The following PDE4D variants were observed in gnomAD, a reference collection of about 807,000 sequenced individuals.
PDE4D encodes the protein 3',5'-cyclic-AMP phosphodiesterase 4D.
Under a neutral mutation model 87.4 loss-of-function variants are expected in PDE4D, and 24 were observed. That is an observed-to-expected ratio of 0.27 (90% CI 0.20 to 0.39). The LOEUF (loss-of-function observed/expected upper bound fraction) is 0.39. Among genes scored for constraint, PDE4D ranks in the 10% least tolerant of loss-of-function variants. The pLI is 1.00. For synonymous variants in PDE4D, 384 were observed against 383.2 expected, an observed-to-expected ratio of 1.00 and a Z score of -0.02; for missense variants, 714 against 1,041.0, an observed-to-expected ratio of 0.69 and a Z score of 4.32.
chr5:59,879,717 C>A (rs1749152959), intron 1 of PDE4D, among the ~76,000 whole-genome samples: 1 of 152,178 alleles, frequency 6.6e-6, no homozygotes, highest in Non-Finnish European at 1.5e-5. Flanking sequence ...AGGGCCAACA[C>A]TGCTATATGT....
At chr5:59,635,848 C>T (rs2150167900) in intron 1 of PDE4D, among the ~76,000 whole-genome samples, 1 of 152,316 alleles carries the variant, frequency 6.6e-6, no homozygotes, top group Middle Eastern at 3.4e-3. Context: ...CCTCTTTCAC[C>T]ACTCCTGTTC....
intron 2 of PDE4D, among the ~76,000 whole-genome samples, chr5:60,048,438 T>C (rs907425275): frequency 1.3e-5 from 2 of 152,204 alleles, no homozygotes; most frequent in Admixed American, 6.5e-5. Flanking sequence ...TGCTCGTTAA[T>C]CGATGCAGTT....
intron 5 of PDE4D, chr5:59,039,308 C>G: frequency 9.5e-7 from 1 of 1,053,352 alleles, no homozygotes; most frequent in Non-Finnish European, 1.1e-6. Flanking sequence ...GGCCCGAGTC[C>G]CAGTCCAGGA....
chr5:59,692,759 C>T (rs572444819), intron 1 of PDE4D, among the ~76,000 whole-genome samples: 3 of 152,222 alleles, frequency 2.0e-5, no homozygotes, highest in East Asian at 3.9e-4. Flanking sequence ...AAGGTTCTGG[C>T]ATCATGGAAA....
chr5:60,470,990 TA>T (rs1747774126), intron 1 of PDE4D, among the ~76,000 whole-genome samples: 1 of 152,174 alleles, frequency 6.6e-6, no homozygotes, highest in South Asian at 2.1e-4. Flanking sequence ...GTAGCTGCCA[TA>T]AACAGTGATT....
chr5:60,003,690 C>T (rs1238198247), intron 2 of PDE4D, among the ~76,000 whole-genome samples: 1 of 128,584 alleles, frequency 7.8e-6, no homozygotes, highest in African/African-American at 3.0e-5. Flanking sequence ...GCCTGGGCAA[C>T]AGAGCGAGAC....
intron 3 of PDE4D, among the ~76,000 whole-genome samples, chr5:59,981,179 G>C (rs1217569173): frequency 6.6e-6 from 1 of 152,090 alleles, no homozygotes; most frequent in African/African-American, 2.4e-5. Context: ...TTGAACCTGG[G>C]GGGCGGAGGT....
intron 2 of PDE4D, among the ~76,000 whole-genome samples, chr5:60,073,329 T>G (rs1772932397): frequency 6.6e-6 from 1 of 152,168 alleles, no homozygotes; most frequent in Admixed American, 6.5e-5. Flanking sequence ...TTTGTGTATG[T>G]TGAACCAACC....
At chr5:59,287,734 G>GACAGAC (rs1554121976) in intron 1 of PDE4D, among the ~76,000 whole-genome samples, 2 of 151,274 alleles carry the variant, frequency 1.3e-5, no homozygotes, top group East Asian at 2.0e-4. Context: ...GAGAGAGAGA[G>GACAGAC]AGACAGACAG....
chr5:60,094,588 CTTTTTT>C (rs3087200), intron 2 of PDE4D, among the ~76,000 whole-genome samples: 10 of 58,180 alleles, frequency 1.7e-4, no homozygotes, highest in South Asian at 8.8e-4. Flanking sequence ...GAGTGACATG[CTTTTTT>C]TTTTTTTTTT....
intron 1 of PDE4D, among the ~76,000 whole-genome samples, chr5:59,705,521 G>T (rs1180181248): frequency 1.3e-5 from 2 of 152,110 alleles, no homozygotes; most frequent in African/African-American, 4.8e-5. Context: ...TTTGAAAAGA[G>T]AAACCATGAC....
chr5:60,307,973 T>C lies in PDE4D; in HGVS notation c.-89-122286A>G, dbSNP rs1754654390. On this transcript the variant is annotated intron_variant, in intron 1 of 16. Coordinates refer to the PDE4D transcript ENST00000502484. ...GGAGAATCACTTGAATCCAGGAGGC[T>C]ATGGTTGCAGTGAGCCGAGATAGCA... Among the ~76,000 whole-genome samples, 5 of 152,196 alleles carry C rather than the reference T, an allele frequency of 3.3e-5. No individual in the cohort carries two copies. In the South Asian group the frequency reaches 1.0e-3, roughly 32 times the overall value.
At chr5:60,151,956 G>T in intron 2 of PDE4D, among the ~76,000 whole-genome samples, 1 of 152,050 alleles carries the variant, frequency 6.6e-6, no homozygotes. Flanking sequence ...GTCATGAAAA[G>T]GTGTTGAATT....
chr5:59,744,756 G>T (rs1463931043), intron 1 of PDE4D, among the ~76,000 whole-genome samples: 2 of 152,096 alleles, frequency 1.3e-5, no homozygotes, highest in African/African-American at 4.8e-5. Context: ...GAAAATGAAG[G>T]GTGAGTAGCA....
intron 1 of PDE4D, among the ~76,000 whole-genome samples, chr5:59,691,086 G>T (rs540137481): frequency 3.3e-5 from 5 of 152,200 alleles, no homozygotes; most frequent in Non-Finnish European, 7.3e-5. Context: ...TGCTAGAGAG[G>T]ATGTGGAGAA....
intron 1 of PDE4D, among the ~76,000 whole-genome samples, chr5:59,829,784 T>C (rs918188618): frequency 4.6e-5 from 7 of 152,066 alleles, no homozygotes; most frequent in African/African-American, 1.7e-4. Flanking sequence ...AGGTTTTTAT[T>C]TGTTATTTGC....
chr5:60,513,994 A>G (rs1750686924), intron 1 of PDE4D, among the ~76,000 whole-genome samples: 1 of 151,558 alleles, frequency 6.6e-6, no homozygotes, highest in Admixed American at 6.6e-5. Context: ...ATAAGAATAG[A>G]AATCAATGAA....
chr5:60,251,283 TG>T (rs1333268352), intron 1 of PDE4D, among the ~76,000 whole-genome samples: 1 of 151,580 alleles, frequency 6.6e-6, no homozygotes, highest in Non-Finnish European at 1.5e-5. Flanking sequence ...CATGGGGGTT[TG>T]GTGTACAGAT....
At chr5:59,834,580 G>T (rs1741718279) in intron 1 of PDE4D, among the ~76,000 whole-genome samples, 1 of 151,986 alleles carries the variant, frequency 6.6e-6, no homozygotes, top group Non-Finnish European at 1.5e-5. Context: ...CCAACCCGTG[G>T]ATAATTATCC....
Sources: allele counts gnomAD v4.1 joint callset (sites outside exome capture counted in the v4.1 genomes callset), GRCh38; gene constraint gnomAD v4.1.1; transcripts MANE v1.5; gene names NCBI Gene and HGNC (gene_info 2026-07-23, HGNC 2026-07-21).